CD244: variants seen among roughly 807,000 people sequenced by gnomAD.
CD244 encodes natural killer cell receptor 2B4.
CD244 carries 20 observed loss-of-function variants against 45.5 expected under a neutral mutation model. The ratio of observed to expected loss-of-function variants is 0.44; its 90% CI spans 0.31 to 0.64. CD244 has a LOEUF of 0.64. Among genes scored for constraint, CD244 ranks in the 30% least tolerant of loss-of-function variants. The probability of loss-of-function intolerance (pLI) is 0.08; values close to 1 mark genes in which losing one functional copy is unlikely to be tolerated. For missense variants in CD244, 407 were observed against 426.9 expected, an observed-to-expected ratio of 0.95 and a Z score of 0.41; for synonymous variants, 185 against 160.5, an observed-to-expected ratio of 1.15 and a Z score of -1.15.
intron 6 of CD244, 133 bp downstream of exon 6, chr1:160,836,062 C>A: frequency 1.4e-6 from 1 of 709,252 alleles, no homozygotes. Context: ...GTTAATGCAA[C>A]TGAAGCCAAG....
In CD244 at chr1:160,834,120, A is replaced by T. The variant is rs1386787640; in HGVS notation, c.895-4T>A. 4 of 1,583,714 alleles carry T rather than the reference A, an allele frequency of 2.5e-6. No individual in the cohort carries two copies. Among genetic ancestry groups the T allele is most frequent in the Middle Eastern group, 1.7e-4 (1 of 6,000 alleles). The stretch of plus-strand genomic sequence containing the variant: ...CTTGTGACGTGGGAGCAGAAGACTA[A>T]TGAGAAGAGAAATAAAATCATTTCA... On this transcript the variant is annotated splice_polypyrimidine_tract_variant and splice_region_variant and intron_variant, in intron 6 of 8. Coordinates refer to ENST00000368034, the MANE Select transcript of CD244 (RefSeq NM_016382.4).
chr1:160,831,469 G>T (rs780881600), intron 8 of CD244, 42 bp from the exon 9 acceptor site: 2 of 1,364,772 alleles, frequency 1.5e-6, no homozygotes, highest in Non-Finnish European at 2.1e-6. Flanking sequence ...TGCACTGGGA[G>T]GTCCTTATCA....
In CD244 at chr1:160,839,368, T is replaced by C. The variant is rs78789768; in HGVS notation, c.656-319A>G. Among the ~76,000 whole-genome samples the C allele has an allele frequency of 4.5e-3, 679 of 152,310 alleles. 4 individuals are homozygous for C. Among genetic ancestry groups the C allele is most frequent in the African/African-American group, 0.015 (638 of 41,552 alleles). On this transcript the variant is annotated intron_variant, in intron 3 of 8. Coordinates refer to ENST00000368034, the MANE Select transcript of CD244 (RefSeq NM_016382.4). ...ATGCCTCAGAGCCTCTTAGATTTTC[T>C]CACCTGTAAAAGGGGATAACGTTAT...
chr1:160,838,831 G>A (rs963081712), intron 4 of CD244, 108 bp downstream of exon 4: 3 of 740,386 alleles, frequency 4.1e-6, no homozygotes, highest in East Asian at 2.7e-5. Context: ...AAAGCTCGTT[G>A]AGGAAAAGGA....
chr1:160,837,873 G>A (rs1484187230), intron 5 of CD244, among the ~76,000 whole-genome samples: 2 of 152,250 alleles, frequency 1.3e-5, no homozygotes, highest in African/African-American at 2.4e-5. Context: ...ATGACAGGCA[G>A]AGTTGGCCCC....
chr1:160,841,731 T>C lies in CD244; in HGVS notation c.232A>G (p.Thr78Ala). The C allele has an allele frequency of 6.2e-7, 1 of 1,614,188 alleles. No homozygotes were observed. Among genetic ancestry groups the C allele is most frequent in the Non-Finnish European group, 8.5e-7 (1 of 1,180,042 alleles). Residue 78 changes from threonine (T) to alanine (A), a missense_variant, in exon 2 of 9, where the codon ACT becomes GCT. By Grantham distance (58) the Thr-to-Ala change is moderately conservative. Coordinates refer to ENST00000368034, the MANE Select transcript of CD244 (RefSeq NM_016382.4). ...KWENGSLPSN[T>A]SNDRFSFIVK... is the part of the protein sequence containing the mutation. ...ATAAAACTGAATCTATCATTGGAAG[T>C]ATTGGAAGGCAAAGAGCCATTCTCC... is the stretch of plus-strand genomic sequence containing the variant.
At chr1:160,838,670 G>A in intron 4 of CD244, 152 bp from the exon 5 acceptor site, 1 of 659,746 alleles carries the variant, frequency 1.5e-6, no homozygotes, top group Non-Finnish European at 2.7e-6. Flanking sequence ...ACCCCAAAGA[G>A]CACAGAGGCA....
intron 1 of CD244, among the ~76,000 whole-genome samples, chr1:160,845,870 G>A (rs953935083): frequency 7.5e-5 from 11 of 145,706 alleles, no homozygotes; most frequent in African/African-American, 7.6e-5. Flanking sequence ...AAAAAAAAAA[G>A]AAAAAAAACA....
At chr1:160,834,973 T>C (rs1190255932) in intron 6 of CD244, among the ~76,000 whole-genome samples, 2 of 152,218 alleles carry the variant, frequency 1.3e-5, no homozygotes, top group African/African-American at 4.8e-5. Flanking sequence ...CTGATAGAAA[T>C]TCCTCTCATT....
At chr1:160,845,243 A>C (rs1366499789) in intron 1 of CD244, among the ~76,000 whole-genome samples, 2 of 152,220 alleles carry the variant, frequency 1.3e-5, no homozygotes, top group Non-Finnish European at 2.9e-5. Context: ...ATGTAAAATA[A>C]CTGTAAAACA....
chr1:160,861,457 C>T (rs1354521636), intron 1 of CD244, among the ~76,000 whole-genome samples: 2 of 152,028 alleles, frequency 1.3e-5, no homozygotes, highest in East Asian at 1.9e-4. Flanking sequence ...TCAGTTTCCC[C>T]TCTTTGTGCC....
At chr1:160,838,191 C>T (rs570941887) in intron 5 of CD244, among the ~76,000 whole-genome samples, 19 of 152,292 alleles carry the variant, frequency 1.2e-4, no homozygotes, top group African/African-American at 4.6e-4. Flanking sequence ...TGTTGTGCTC[C>T]ATCCCTTCTC....
chr1:160,855,348 A>G lies in CD244; in HGVS notation c.61+7269T>C, dbSNP rs1297697774. On this transcript the variant is annotated intron_variant, in intron 1 of 8. Transcript: ENST00000368034. ...AATCTGTAGCTGCTCTTTGTTGCTG[A>G]ATTTTCTCCTGCAGCCCCCAACAGT... Among the ~76,000 whole-genome samples the G allele has an allele frequency of 3.3e-5, 5 of 152,102 alleles. No homozygotes were observed. In the East Asian group the frequency reaches 9.6e-4, roughly 29 times the overall value.
chr1:160,831,113 C>A lies in CD244; in HGVS notation c.*234G>T, dbSNP rs1447182025. 4.5e-6 allele frequency: 2 copies of A among 440,928 alleles called. No homozygotes were observed. Among genetic ancestry groups the A allele is most frequent in the Non-Finnish European group, 8.2e-6 (2 of 244,990 alleles). 27.3% of individuals were successfully genotyped at this position (440,928 alleles called of 1,614,324 possible). On this transcript the variant is annotated 3_prime_UTR_variant, in exon 9 of 9. Transcript: ENST00000368034. ...TGGAATGTGGCCTTTTGTGAACAAC[C>A]TAACCCCTCCACCCATTCATGTCTG...
At position 160,834,033 on chromosome 1, in the gene CD244, C is replaced by T. The variant is rs200980053; in HGVS notation, c.960+18G>A. On this transcript the variant is annotated intron_variant, in intron 7 of 8. Transcript: ENST00000368034. Reference sequence around the variant, plus strand: ...CTACATCAACAACACCCCACCACCACCACGGGAAGAGGCTCACCTTCCTGG... The same window carrying T: ...CTACATCAACAACACCCCACCACCATCACGGGAAGAGGCTCACCTTCCTGG... 282 of 1,588,478 alleles carry T rather than the reference C, an allele frequency of 1.8e-4. 3 individuals are homozygous for T. In the South Asian group the frequency reaches 2.9e-3, roughly 16 times the overall value.
rs77031924 is a variant in CD244, at chr1:160,842,361, C to T, written c.62-460G>A. ...AACTCCTGGGCTTGAGGTGATCCTC[C>T]CATCTCAACCTCCCTAGTAGCTGGG... On this transcript the variant is annotated intron_variant, in intron 1 of 8. Transcript: ENST00000368034. Among the ~76,000 whole-genome samples, 259 of 152,082 alleles carry T rather than the reference C, an allele frequency of 1.7e-3. 1 individual carries two copies. The highest frequency in any genetic ancestry group is 6.1e-3 in the African/African-American group (251 of 41,470).
chr1:160,847,787 A>T (rs1669785585), intron 1 of CD244, among the ~76,000 whole-genome samples: 3 of 152,230 alleles, frequency 2.0e-5, no homozygotes, highest in Non-Finnish European at 4.4e-5. Flanking sequence ...GAAACCAAAG[A>T]AAAAGAAATA....
chr1:160,832,446 TG>T (rs1669158601), intron 8 of CD244, 72 bp downstream of exon 8: 4 of 881,418 alleles, frequency 4.5e-6, no homozygotes, highest in Non-Finnish European at 7.2e-6. Context: ...TTTTCCTAAG[TG>T]TACCCTTTCA....
intron 1 of CD244, among the ~76,000 whole-genome samples, chr1:160,844,927 A>G (rs1285639242): frequency 6.6e-6 from 1 of 151,746 alleles, no homozygotes; most frequent in African/African-American, 2.4e-5. Context: ...GTGAGCCGAG[A>G]TATCATGCCA....
Sources: gnomAD v4.1 joint callset for allele counts (sites outside exome capture counted in the v4.1 genomes callset) on GRCh38, gnomAD v4.1.1 for gene constraint, MANE v1.5 for transcripts, NCBI Gene and HGNC (gene_info 2026-07-23, HGNC 2026-07-21) for gene names.